SUSD1: variants seen among roughly 807,000 people sequenced by gnomAD.
The protein encoded by SUSD1 is sushi domain-containing protein 1.
Under a neutral mutation model 86.9 loss-of-function variants are expected in SUSD1, and 65 were observed. That is an observed-to-expected ratio of 0.75 (90% CI 0.61 to 0.92). SUSD1 has a LOEUF of 0.92. Ranked by LOEUF, SUSD1 falls within the 40% of genes least tolerant of loss-of-function variation. SUSD1 has a pLI of 0.00. For missense variants in SUSD1, 850 were observed against 929.7 expected, an observed-to-expected ratio of 0.91 and a Z score of 1.11; for synonymous variants, 346 against 350.0, an observed-to-expected ratio of 0.99 and a Z score of 0.13.
At chr9:112,045,611 C>T (rs1827923416) in intron 15 of SUSD1, among the ~76,000 whole-genome samples, 2 of 152,174 alleles carry the variant, frequency 1.3e-5, no homozygotes, top group African/African-American at 4.8e-5. Flanking sequence ...CTCCCGGGAA[C>T]TGCTGTTTTT....
chr9:112,146,865 G>T (rs769600007), intron 3 of SUSD1, among the ~76,000 whole-genome samples: 4 of 152,120 alleles, frequency 2.6e-5, no homozygotes, highest in Non-Finnish European at 5.9e-5. Context: ...TGAACTCCTG[G>T]TCTGAAGTGA....
At chr9:112,116,317 C>T (rs1454493834) in intron 6 of SUSD1, among the ~76,000 whole-genome samples, 4 of 152,178 alleles carry the variant, frequency 2.6e-5, no homozygotes, top group African/African-American at 9.7e-5. Context: ...TATTTCATCC[C>T]AGGGAGCAGT....
intron 15 of SUSD1, among the ~76,000 whole-genome samples, chr9:112,046,195 G>A (rs1827949850): frequency 6.6e-6 from 1 of 152,158 alleles, no homozygotes; most frequent in Non-Finnish European, 1.5e-5. Context: ...TGCCACACAA[G>A]CTTCTTTAGA....
intron 5 of SUSD1, among the ~76,000 whole-genome samples, chr9:112,126,365 A>C (rs1831772771): frequency 6.6e-6 from 1 of 152,220 alleles, no homozygotes; most frequent in African/African-American, 2.4e-5. Flanking sequence ...TAAAAGTACA[A>C]AAGATAACTA....
At chr9:112,132,928 G>A (rs150620529) in intron 5 of SUSD1, among the ~76,000 whole-genome samples, 113 of 152,220 alleles carry the variant, frequency 7.4e-4, no homozygotes, top group African/African-American at 2.6e-3. Context: ...TCATAGTGGA[G>A]GTTGGAATCT....
chr9:112,169,240 C>G (rs973864032), intron 1 of SUSD1: 2 of 152,044 alleles, frequency 1.3e-5, no homozygotes, highest in African/African-American at 2.4e-5. Flanking sequence ...TTTCCCACAC[C>G]CACCCAAATT....
chr9:112,151,513 C>T (rs1021041257), intron 2 of SUSD1, among the ~76,000 whole-genome samples: 5 of 151,588 alleles, frequency 3.3e-5, no homozygotes, highest in Admixed American at 2.0e-4. Flanking sequence ...AGGAGAATTG[C>T]TTGAACCCGG....
At chr9:112,046,544 G>A (rs1209911567) in intron 15 of SUSD1, among the ~76,000 whole-genome samples, 1 of 152,166 alleles carries the variant, frequency 6.6e-6, no homozygotes, top group Non-Finnish European at 1.5e-5. Context: ...TTCCCTGATA[G>A]AAATATCACA....
intron 10 of SUSD1, among the ~76,000 whole-genome samples, chr9:112,093,387 C>G (rs188750037): frequency 2.6e-5 from 4 of 152,284 alleles, no homozygotes; most frequent in Non-Finnish European, 5.9e-5. Flanking sequence ...TCTCCGGTCT[C>G]CAAGAGGTAA....
At chr9:112,138,004 C>T (rs1024986063) in intron 5 of SUSD1, 1 of 151,378 alleles carries the variant, frequency 6.6e-6, no homozygotes, top group Non-Finnish European at 1.5e-5. Flanking sequence ...GGGCGGATCA[C>T]CTGAGGTCAG....
Position 112,081,208 on chromosome 9 carries a change from A to T in SUSD1, c.1475-1043T>A, listed in dbSNP as rs527783347. 3.2e-4 allele frequency among the ~76,000 whole-genome samples: 49 copies of T among 152,366 alleles called. 1 individual carries two copies. The South Asian group carries it at 8.7e-3, about 27-fold the overall frequency. ...TTTCACAGGAACACTGTGATGATTA[A>T]CGAGTGATAAAGACAACTCCCAAAT... On this transcript the variant is annotated intron_variant, in intron 10 of 16. Coordinates refer to ENST00000374270, the MANE Select transcript of SUSD1 (RefSeq NM_022486.5).
At chr9:112,092,616 T>C (rs1468571044) in intron 10 of SUSD1, among the ~76,000 whole-genome samples, 1 of 152,224 alleles carries the variant, frequency 6.6e-6, no homozygotes, top group East Asian at 1.9e-4. Context: ...TTTGTTTTCT[T>C]TCTTCTTTAG....
At chr9:112,109,393 A>T (rs17232598) in intron 8 of SUSD1, among the ~76,000 whole-genome samples, 15,200 of 152,306 alleles carry the variant, frequency 0.1, 1,048 homozygotes, top group Non-Finnish European at 0.15. Context: ...GAGGAAAAAA[A>T]TGACAAGTCT....
chr9:112,142,309 TGAAAACTCA>T lies in SUSD1; in HGVS notation c.706+2_706+10del. On this transcript the variant is annotated splice_donor_variant and splice_donor_5th_base_variant and intron_variant, in intron 5 of 16. Coordinates refer to ENST00000374270, the MANE Select transcript of SUSD1 (RefSeq NM_022486.5). LOFTEE classifies it high-confidence loss of function. ...GTATGAATTGGGAACCTGTATTTTT[TGAAAACTCA>T]CCTTGGCAATGTAATTTTGGGGACT... The T allele has an allele frequency of 6.5e-7, 1 of 1,536,810 alleles. No individual in the cohort carries two copies. The highest frequency in any genetic ancestry group is 2.1e-5 in the Admixed American group (1 of 46,564).
chr9:112,048,213 C>G (rs1422092942), intron 15 of SUSD1, among the ~76,000 whole-genome samples: 1 of 152,158 alleles, frequency 6.6e-6, no homozygotes, highest in Non-Finnish European at 1.5e-5. Context: ...TCTCCCTATT[C>G]GGGAGCTTAA....
rs142475616 is a variant in SUSD1, at chr9:112,083,552, G to A, written c.1475-3387C>T. On this transcript the variant is annotated intron_variant, in intron 10 of 16. Transcript: ENST00000374270. ...CACCACAATTATTTTCTTATCTCACGGAACTAATTTATACTGATTGAAAAA... is the reference window on the plus strand; with the variant it reads ...CACCACAATTATTTTCTTATCTCACAGAACTAATTTATACTGATTGAAAAA... Among the ~76,000 whole-genome samples, 15 of 152,170 alleles carry A rather than the reference G, an allele frequency of 9.9e-5. 1 individual carries two copies. In the East Asian group the frequency reaches 1.2e-3, roughly 12 times the overall value.
chr9:112,051,399 TTTTC>T (rs1418180084), intron 15 of SUSD1, among the ~76,000 whole-genome samples: 1 of 138,724 alleles, frequency 7.2e-6, no homozygotes, highest in African/African-American at 3.0e-5. Context: ...GGGAAGAAGT[TTTTC>T]TTTTCTTTTT....
chr9:112,116,116 C>T (rs999754046), intron 6 of SUSD1, among the ~76,000 whole-genome samples: 3 of 152,198 alleles, frequency 2.0e-5, no homozygotes, highest in Admixed American at 6.5e-5. Flanking sequence ...GCCAGCAAAG[C>T]GAATTTCCTT....
At chr9:112,166,691 G>A (rs928277583) in intron 1 of SUSD1, among the ~76,000 whole-genome samples, 1 of 152,174 alleles carries the variant, frequency 6.6e-6, no homozygotes, top group African/African-American at 2.4e-5. Context: ...TAGGATCTGA[G>A]GGAGAGCTGT....
Sources: allele counts gnomAD v4.1 joint callset (sites outside exome capture counted in the v4.1 genomes callset), GRCh38; gene constraint gnomAD v4.1.1; transcripts MANE v1.5; gene names NCBI Gene and HGNC (gene_info 2026-07-23, HGNC 2026-07-21).